ABCB1: variants seen among roughly 807,000 people sequenced by gnomAD.
ABCB1 encodes ATP binding cassette subfamily B member 1.
Under a neutral mutation model 142.0 loss-of-function variants are expected in ABCB1, and 69 were observed. The ratio of observed to expected loss-of-function variants is 0.49; its 90% CI spans 0.40 to 0.59. The LOEUF (loss-of-function observed/expected upper bound fraction) is 0.59, where lower values mean the gene tolerates loss of function less well. Among genes scored for constraint, ABCB1 ranks in the 20% least tolerant of loss-of-function variants. The pLI is 0.00. For synonymous variants in ABCB1, 532 were observed against 539.2 expected, an observed-to-expected ratio of 0.99 and a Z score of 0.18; for missense variants, 1,326 against 1,554.7, an observed-to-expected ratio of 0.85 and a Z score of 2.47.
chr7:87,512,274 C>G (rs2117075952), intron 25 of ABCB1, among the ~76,000 whole-genome samples: 1 of 152,088 alleles, frequency 6.6e-6, no homozygotes, highest in African/African-American at 2.4e-5. Context: ...CCCATCTTCA[C>G]AATTTCATAG....
chr7:87,705,934 T>G (rs1235700675), intron 1 of ABCB1, among the ~76,000 whole-genome samples: 2 of 152,206 alleles, frequency 1.3e-5, no homozygotes, highest in Non-Finnish European at 2.9e-5. Context: ...TTTTTCATTT[T>G]CTTGGCCCCA....
chr7:87,561,453 A>G, intron 7 of ABCB1, 66 bp from the exon 8 acceptor site: 1 of 1,453,638 alleles, frequency 6.9e-7, no homozygotes, highest in Non-Finnish European at 9.5e-7. Flanking sequence ...TAAAGTAAAA[A>G]TAAATGTATA....
At chr7:87,710,453 G>A (rs567066241) in intron 1 of ABCB1, 39 of 622,164 alleles carry the variant, frequency 6.3e-5, no homozygotes, top group Middle Eastern at 4.3e-4. Flanking sequence ...TTTCTTAGTC[G>A]TTATCAAATG....
At chr7:87,637,527 T>G (rs1419866094) in intron 1 of ABCB1, among the ~76,000 whole-genome samples, 1 of 152,176 alleles carries the variant, frequency 6.6e-6, no homozygotes, top group Admixed American at 6.5e-5. Context: ...TTTATGATAT[T>G]AAGACTTACG....
intron 4 of ABCB1, among the ~76,000 whole-genome samples, chr7:87,581,516 G>A (rs1818505487): frequency 6.6e-6 from 1 of 152,058 alleles, no homozygotes; most frequent in African/African-American, 2.4e-5. Flanking sequence ...CTAGGCTCCA[G>A]TCATCAGAGA....
chr7:87,566,331 T>C, intron 6 of ABCB1, 90 bp from the exon 7 acceptor site: 1 of 1,306,476 alleles, frequency 7.7e-7, no homozygotes, highest in Non-Finnish European at 1.1e-6. Context: ...GGGTAGTTTA[T>C]GGCTAGAGTA....
chr7:87,665,079 A>T (rs1409142687), intron 1 of ABCB1, among the ~76,000 whole-genome samples: 1 of 152,170 alleles, frequency 6.6e-6, no homozygotes, highest in East Asian at 1.9e-4. Flanking sequence ...ACTCAACATC[A>T]TTCTGGATCT....
chr7:87,712,393 A>G lies in ABCB1; in HGVS notation c.-331+768T>C, dbSNP rs28381720. On this transcript the variant is annotated intron_variant, in intron 1 of 28. Coordinates refer to the ABCB1 transcript ENST00000265724. ...CATTGAGGATACTAAGGCTTTGAAA[A>G]TGAAAACAAAGAATCGTATCAGAAT... Among the ~76,000 whole-genome samples the G allele has an allele frequency of 3.3e-3, 497 of 152,220 alleles. 3 individuals carry two copies. Among genetic ancestry groups the G allele is most frequent in the African/African-American group, 0.012 (487 of 41,578 alleles).
chr7:87,704,586 G>A (rs894979542), intron 1 of ABCB1, among the ~76,000 whole-genome samples: 3 of 152,188 alleles, frequency 2.0e-5, no homozygotes, highest in African/African-American at 7.2e-5. Context: ...ACTAATCCCT[G>A]CACAGCAATA....
At chr7:87,694,604 C>T (rs915569956) in intron 1 of ABCB1, among the ~76,000 whole-genome samples, 2 of 152,160 alleles carry the variant, frequency 1.3e-5, no homozygotes, top group African/African-American at 4.8e-5. Flanking sequence ...GTTTTATGTT[C>T]TGTACCTATA....
In ABCB1 at chr7:87,544,191, A is replaced by C; in HGVS notation, c.2149T>G (p.Cys717Gly). The C allele has an allele frequency of 6.2e-7, 1 of 1,613,994 alleles. No homozygotes were observed. Among genetic ancestry groups the C allele is most frequent in the Non-Finnish European group, 8.5e-7 (1 of 1,179,938 alleles). ...TGCAGGCCTCCATTTATAATGGCAC[A>C]AAATACACCAACAACAAAATAAGGC... is the stretch of plus-strand genomic sequence containing the variant. Reference protein sequence around the residue: ...EWPYFVVGVFCAIINGGLQPA... With the variant: ...EWPYFVVGVFGAIINGGLQPA... The change falls in exon 17 of 28, where the codon TGT becomes GGT. Residue 717 changes from cysteine (C) to glycine (G), a missense_variant. By Grantham distance (159) the Cys-to-Gly change is radical (BLOSUM62 -3). Coordinates refer to ENST00000622132, the MANE Select transcript of ABCB1 (RefSeq NM_001348946.2).
chr7:87,553,691 T>A, intron 9 of ABCB1, 70 bp downstream of exon 9: 1 of 1,488,628 alleles, frequency 6.7e-7, no homozygotes, highest in Admixed American at 1.7e-5. Flanking sequence ...TCTTCTAAAG[T>A]CAAGCCAACA....
intron 1 of ABCB1, among the ~76,000 whole-genome samples, chr7:87,665,194 A>G (rs1189185492): frequency 6.6e-6 from 1 of 152,182 alleles, no homozygotes; most frequent in Admixed American, 6.6e-5. Context: ...TTACATGTAT[A>G]AGAACCTAAA....
At chr7:87,617,832 A>C (rs891610835) in intron 1 of ABCB1, among the ~76,000 whole-genome samples, 2 of 152,152 alleles carry the variant, frequency 1.3e-5, no homozygotes, top group African/African-American at 4.8e-5. Context: ...AAAGATGAAA[A>C]TGTTTAATGT....
chr7:87,600,503 G>A (rs1819407103), intron 1 of ABCB1, among the ~76,000 whole-genome samples: 1 of 152,194 alleles, frequency 6.6e-6, no homozygotes, highest in South Asian at 2.1e-4. Context: ...CGGGCTCAGA[G>A]AGCAGGTCCC....
chr7:87,537,400 T>G (rs912891597), intron 19 of ABCB1, among the ~76,000 whole-genome samples: 1 of 152,174 alleles, frequency 6.6e-6, no homozygotes, highest in Non-Finnish European at 1.5e-5. Context: ...ACTGTGGCTG[T>G]TTTTAGGTGA....
intron 4 of ABCB1, 130 bp from the exon 5 acceptor site, chr7:87,570,353 A>C (rs532594038): frequency 1.9e-4 from 166 of 891,540 alleles, no homozygotes; most frequent in Non-Finnish European, 2.9e-4. Context: ...ACTCAGTTTT[A>C]ATTGTGTGTA....
At chr7:87,619,639 CT>C (rs1054151594) in intron 1 of ABCB1, among the ~76,000 whole-genome samples, 4 of 151,576 alleles carry the variant, frequency 2.6e-5, no homozygotes, top group African/African-American at 9.7e-5. Flanking sequence ...GGTAAATATA[CT>C]TGGCCAAATT....
chr7:87,602,292 C>CTTTTT (rs59849542), upstream of ABCB1, among the ~76,000 whole-genome samples: 21 of 92,396 alleles, frequency 2.3e-4, no homozygotes, highest in African/African-American at 8.1e-4. Flanking sequence ...AGCTCGGCCT[C>CTTTTT]TTTTTTTTTT....
Sources: allele counts gnomAD v4.1 joint callset (sites outside exome capture counted in the v4.1 genomes callset), GRCh38; gene constraint gnomAD v4.1.1; transcripts MANE v1.5; gene names NCBI Gene and HGNC (gene_info 2026-07-23, HGNC 2026-07-21).